ZNF776: variants seen among roughly 807,000 people sequenced by gnomAD.
The protein encoded by ZNF776 is zinc finger protein 776.
In ZNF776, 4 loss-of-function variants were observed where a neutral mutation model predicts 7.0. That is an observed-to-expected ratio of 0.57 (90% CI 0.28 to 1.31). ZNF776 has a LOEUF of 1.31. Among genes scored for constraint, ZNF776 ranks in the 50% most tolerant of loss-of-function variants. ZNF776 has a pLI of 0.10. For synonymous variants in ZNF776, 212 were observed against 213.7 expected (o/e 0.99, Z 0.07); for missense variants, 555 against 625.9 (o/e 0.89, Z 1.21).
At position 57,754,576 on chromosome 19, in the gene ZNF776, C is replaced by T. The variant is rs1986718580; in HGVS notation, c.1446C>T (p.His482=). 1.2e-6 allele frequency: 2 copies of T among 1,614,214 alleles called. No homozygotes were observed. Among genetic ancestry groups the T allele is most frequent in the South Asian group, 1.1e-5 (1 of 91,082 alleles). ...GTCTCATTCGACATCAGCAGATTCA[C>T]TCTGGAGAAAGGCCACATGAGTGTG... ...KGSLIRHQQI[H]SGERPHECGE... Residue 482 remains histidine, a synonymous_variant, in exon 3 of 3, where the codon CAC becomes CAT. Coordinates refer to ENST00000317178, the MANE Select transcript of ZNF776 (RefSeq NM_173632.4).
chr19:57,747,287 C>G (rs1287082651), intron 1 of ZNF776, among the ~76,000 whole-genome samples, 196 bp downstream of exon 1: 1 of 152,120 alleles, frequency 6.6e-6, no homozygotes, highest in Admixed American at 6.5e-5. Context: ...GCGGTGCAGG[C>G]AAAGGCCTGG....
In ZNF776 at chr19:57,754,425, A is replaced by G. The variant is rs1168622257; in HGVS notation, c.1295A>G (p.Tyr432Cys). 1 of 1,614,094 alleles carries G rather than the reference A, an allele frequency of 6.2e-7. No individual in the cohort carries two copies. The highest frequency in any genetic ancestry group is 8.5e-7 in the Non-Finnish European group (1 of 1,180,046). The change falls in exon 3 of 3, where the codon TAT (tyrosine) becomes TGT (cysteine). Residue 432 changes from tyrosine to cysteine, a missense_variant. Transcript: ENST00000317178. ...HQRVHTGERP[Y>C]ECRECGKCFH... The stretch of plus-strand genomic sequence containing the variant: ...AGAGTTCACACTGGAGAAAGGCCAT[A>G]TGAGTGTAGAGAATGTGGGAAATGT...
At chr19:57,749,975 G>A (rs1195910443) in intron 1 of ZNF776, among the ~76,000 whole-genome samples, 3 of 152,098 alleles carry the variant, frequency 2.0e-5, no homozygotes, top group Non-Finnish European at 4.4e-5. Context: ...CATGTGTTTG[G>A]TCATTAATAT....
At position 57,755,006 on chromosome 19, in the gene ZNF776, G is replaced by T. The variant is rs1167779578; in HGVS notation, c.*319G>T. ...ACTACTGAGTTCACAGTTGAGAAAG[G>T]CCATATGACTGTAAGGAATTTGTAA... On this transcript the variant is annotated 3_prime_UTR_variant, in exon 3 of 3. Coordinates refer to ENST00000317178, the MANE Select transcript of ZNF776 (RefSeq NM_173632.4). 1 of 305,020 alleles carries T rather than the reference G, an allele frequency of 3.3e-6. No homozygotes were observed. The highest frequency in any genetic ancestry group is 4.6e-5 in the Admixed American group (1 of 21,518). The allele number at this position is 305,020 out of a possible 1,614,324, so 18.9% of individuals were successfully genotyped here.
chr19:57,754,760 T>C lies in ZNF776; in HGVS notation c.*73T>C, dbSNP rs914328382. The C allele has an allele frequency of 3.0e-5, 44 of 1,486,826 alleles. No homozygotes were observed. The highest frequency in any genetic ancestry group is 7.0e-5 in the African/African-American group (5 of 71,682). 92.1% of individuals were successfully genotyped at this position (1,486,826 alleles called of 1,614,324 possible). ...GTGAGATCACACTGGAAAGCACTTA[T>C]GAGTATGGAGAATGTGCAAAATCAT... On this transcript the variant is annotated 3_prime_UTR_variant, in exon 3 of 3. Transcript: ENST00000317178.
Position 57,747,042 on chromosome 19 carries a change from T to C in ZNF776, c.-17T>C, listed in dbSNP as rs1295606593. On this transcript the variant is annotated 5_prime_UTR_variant, in exon 1 of 3. Coordinates refer to ENST00000317178, the MANE Select transcript of ZNF776 (RefSeq NM_173632.4). Reference sequence around the variant, plus strand: ...GCTCGCCCCCTCCTTTCGACCCCGCTTTCCCCACCCAGTCGGATGGCGGCG... The same window carrying C: ...GCTCGCCCCCTCCTTTCGACCCCGCCTTCCCCACCCAGTCGGATGGCGGCG... 2 of 1,580,506 alleles carry C rather than the reference T, an allele frequency of 1.3e-6. No individual in the cohort carries two copies. The highest frequency in any genetic ancestry group is 1.7e-6 in the Non-Finnish European group (2 of 1,163,052).
At chr19:57,751,997 G>A (rs893095749) in intron 2 of ZNF776, among the ~76,000 whole-genome samples, 4 of 143,310 alleles carry the variant, frequency 2.8e-5, no homozygotes, top group African/African-American at 5.1e-5. Flanking sequence ...TCAGCCTCCC[G>A]AGTAGCTGGG....
chr19:57,747,235 G>GACACC (rs1442420391), intron 1 of ZNF776, 144 bp downstream of exon 1: 4 of 837,746 alleles, frequency 4.8e-6, no homozygotes, highest in Non-Finnish European at 7.2e-6. Flanking sequence ...CCCCGTTTTT[G>GACACC]ACACCCGCGG....
intron 2 of ZNF776, among the ~76,000 whole-genome samples, chr19:57,751,863 G>GTTTT (rs1256893730): frequency 3.0e-4 from 19 of 63,358 alleles, no homozygotes; most frequent in African/African-American, 1.1e-3. Flanking sequence ...TGTATTTTTG[G>GTTTT]TTTTGTTTTT....
rs752910362 is a variant in ZNF776, at chr19:57,753,680, G to A, written c.550G>A (p.Asp184Asn). The stretch of plus-strand genomic sequence containing the variant: ...CAGCTTGAGATTACTCCAACAAGAG[G>A]ACATTCACACTTCAGGGAAGTCAAA... Reference protein sequence around the residue: ...LSSLRLLQQEDIHTSGKSNFE... With the variant: ...LSSLRLLQQENIHTSGKSNFE... Residue 184 changes from aspartate (D) to asparagine (N), a missense_variant, in exon 3 of 3, where the codon GAC (aspartate) becomes AAC (asparagine). Coordinates refer to ENST00000317178, the MANE Select transcript of ZNF776 (RefSeq NM_173632.4). 1.2e-6 allele frequency: 2 copies of A among 1,614,178 alleles called. No homozygotes were observed. Among genetic ancestry groups the A allele is most frequent in the South Asian group, 1.1e-5 (1 of 91,082 alleles).
At position 57,754,623 on chromosome 19, in the gene ZNF776, G is replaced by T; in HGVS notation, c.1493G>T (p.Arg498Leu). The change falls in exon 3 of 3, where the codon CGT (arginine) becomes CTT (leucine). Residue 498 changes from arginine (R) to leucine (L), a missense_variant. Physicochemically the swap from Arg to Leu is moderately radical, Grantham distance 102. Transcript: ENST00000317178. ...HECGECGKCF[R>L]QKGNLIKHQR... Reference sequence around the variant, plus strand: ...TGTGGAGAATGTGGAAAGTGTTTTCGTCAAAAGGGAAACCTCATTAAACAT... The same window carrying T: ...TGTGGAGAATGTGGAAAGTGTTTTCTTCAAAAGGGAAACCTCATTAAACAT... 1.2e-6 allele frequency: 2 copies of T among 1,614,026 alleles called. No individual in the cohort carries two copies. The highest frequency in any genetic ancestry group is 1.7e-6 in the Non-Finnish European group (2 of 1,179,980).
chr19:57,756,975 C>G lies in ZNF776; in HGVS notation c.*2288C>G, dbSNP rs1343538182. 1 of 394,120 alleles carries G rather than the reference C, an allele frequency of 2.5e-6. No homozygotes were observed. The highest frequency in any genetic ancestry group is 3.1e-5 in the Admixed American group (1 of 32,158). The allele number at this position is 394,120 out of a possible 1,614,324, so 24.4% of individuals were successfully genotyped here. On this transcript the variant is annotated 3_prime_UTR_variant, in exon 3 of 3. Transcript: ENST00000317178. ...TCAAGTGATCCTCCTGCCTCAGCCT[C>G]CCGAGTACCTGAGATTAGCCCAGGT...
At chr19:57,752,319 A>G (rs569197327) in intron 2 of ZNF776, among the ~76,000 whole-genome samples, 6 of 152,244 alleles carry the variant, frequency 3.9e-5, no homozygotes, top group Non-Finnish European at 7.4e-5. Flanking sequence ...TTATCTTTGT[A>G]GTATTTAGTT....
chr19:57,756,955 T>C lies in ZNF776; in HGVS notation c.*2268T>C. The C allele has an allele frequency of 2.4e-6, 1 of 421,872 alleles. No homozygotes were observed. The highest frequency in any genetic ancestry group is 1.7e-5 in the South Asian group (1 of 58,918). The allele number at this position is 421,872 out of a possible 1,614,324, so 26.1% of individuals were successfully genotyped here. A position where few individuals can be genotyped will look rare whatever the true frequency, so the allele number is the denominator to read the frequency against. On this transcript the variant is annotated 3_prime_UTR_variant, in exon 3 of 3. Coordinates refer to ENST00000317178, the MANE Select transcript of ZNF776 (RefSeq NM_173632.4). ...GCGGCCTCAAACTCCTGGGCTCAAGTGATCCTCCTGCCTCAGCCTCCCGAG... is the reference window on the plus strand; with the variant it reads ...GCGGCCTCAAACTCCTGGGCTCAAGCGATCCTCCTGCCTCAGCCTCCCGAG...
chr19:57,750,568 G>A lies in ZNF776; in HGVS notation c.34-217G>A, dbSNP rs113408022. 4.8e-3 allele frequency among the ~76,000 whole-genome samples: 725 copies of A among 152,270 alleles called. 7 individuals carry two copies. Among genetic ancestry groups the A allele is most frequent in the African/African-American group, 0.016 (679 of 41,560 alleles). On this transcript the variant is annotated intron_variant, in intron 1 of 2. Coordinates refer to ENST00000317178, the MANE Select transcript of ZNF776 (RefSeq NM_173632.4). ...ATTGGCTATCAGGAAGTTATGGACC[G>A]CTTTATATCAGCACCAAAACATAGA...
chr19:57,747,769 G>A (rs1421524794), intron 1 of ZNF776, among the ~76,000 whole-genome samples: 1 of 152,070 alleles, frequency 6.6e-6, no homozygotes, highest in Non-Finnish European at 1.5e-5. Flanking sequence ...GGGAAGCGGA[G>A]GGTGTTATTC....
At chr19:57,749,122 C>T (rs1284913032) in intron 1 of ZNF776, 1 of 152,130 alleles carries the variant, frequency 6.6e-6, no homozygotes, top group East Asian at 1.9e-4. Context: ...TGCGTGCCAC[C>T]ACGCCCCACT....
rs528212832 is a variant in ZNF776 at position 57,754,749 on chromosome 19, G to T, written c.*62G>T. On this transcript the variant is annotated 3_prime_UTR_variant, in exon 3 of 3. Coordinates refer to ENST00000317178, the MANE Select transcript of ZNF776 (RefSeq NM_173632.4). The stretch of plus-strand genomic sequence containing the variant: ...ATTCAACATTCGTGAGATCACACTG[G>T]AAAGCACTTATGAGTATGGAGAATG... 5.7e-5 allele frequency: 87 copies of T among 1,534,076 alleles called. No individual in the cohort carries two copies. In the South Asian group the frequency reaches 1.0e-3, roughly 18 times the overall value.
In ZNF776 at chr19:57,755,550, A is replaced by G. The variant is rs976784711; in HGVS notation, c.*863A>G. ...GGGCTTCACTCTTCTTTCACTGGAT[A>G]CCAGAATGTTGACAGGAGAAAAATA... On this transcript the variant is annotated 3_prime_UTR_variant, in exon 3 of 3. Transcript: ENST00000317178. The G allele has an allele frequency of 1.3e-5, 2 of 152,216 alleles. No homozygotes were observed. Among genetic ancestry groups the G allele is most frequent in the Non-Finnish European group, 2.9e-5 (2 of 68,046 alleles). The allele number at this position is 152,216 out of a possible 1,614,324, so 9.4% of individuals were successfully genotyped here.
Sources: gnomAD v4.1 joint callset for allele counts (sites outside exome capture counted in the v4.1 genomes callset) on GRCh38, gnomAD v4.1.1 for gene constraint, MANE v1.5 for transcripts, NCBI Gene and HGNC (gene_info 2026-07-23, HGNC 2026-07-21) for gene names.